The following PTPN4 variants were observed in gnomAD, a reference collection of about 807,000 sequenced individuals.
PTPN4 encodes tyrosine-protein phosphatase non-receptor type 4.
PTPN4 carries 49 observed loss-of-function variants against 135.5 expected under a neutral mutation model. That is an observed-to-expected ratio of 0.36 (90% CI 0.29 to 0.46). The LOEUF is 0.46. PTPN4 is among the 20% of genes least tolerant of loss of function. PTPN4 has a pLI of 1.00. For synonymous variants in PTPN4, 333 were observed against 369.9 expected, an observed-to-expected ratio of 0.90 and a Z score of 1.14; for missense variants, 860 against 1,101.0, an observed-to-expected ratio of 0.78 and a Z score of 3.10.
intron 8 of PTPN4, among the ~76,000 whole-genome samples, chr2:119,882,838 T>C (rs568718268): frequency 2.6e-5 from 4 of 152,280 alleles, no homozygotes; most frequent in African/African-American, 9.6e-5. Flanking sequence ...GCCATTAAGC[T>C]ATCTGTAAAC....
At chr2:119,789,839 C>T (rs528687818) in intron 1 of PTPN4, among the ~76,000 whole-genome samples, 16 of 152,246 alleles carry the variant, frequency 1.1e-4, no homozygotes, top group Admixed American at 4.6e-4. Flanking sequence ...TCTCCTGCCT[C>T]AGCCTCCTGA....
chr2:119,836,570 G>GA (rs997406389), intron 2 of PTPN4, among the ~76,000 whole-genome samples: 4 of 152,252 alleles, frequency 2.6e-5, no homozygotes, highest in Admixed American at 6.5e-5. Flanking sequence ...TGGGAGCCCT[G>GA]CCCCCTTTCC....
chr2:119,769,892 G>A (rs866202402), intron 1 of PTPN4, among the ~76,000 whole-genome samples: 15 of 152,122 alleles, frequency 9.9e-5, no homozygotes, highest in African/African-American at 3.6e-4. Context: ...TAATCCAAGG[G>A]TCATTGTTTA....
intron 18 of PTPN4, among the ~76,000 whole-genome samples, chr2:119,951,085 G>A (rs1299024219): frequency 2.0e-5 from 3 of 152,178 alleles, no homozygotes; most frequent in African/African-American, 7.2e-5. Flanking sequence ...AGTTTAAACG[G>A]TGCTTGCCTC....
intron 9 of PTPN4, among the ~76,000 whole-genome samples, chr2:119,894,342 A>G (rs1006404509): frequency 6.6e-6 from 1 of 152,208 alleles, no homozygotes. Flanking sequence ...ACTCTACTGT[A>G]CTCAAATCAC....
At chr2:119,972,985 C>T (rs1187358470) in intron 26 of PTPN4, among the ~76,000 whole-genome samples, 1 of 152,036 alleles carries the variant, frequency 6.6e-6, no homozygotes, top group Admixed American at 6.5e-5. Context: ...TATATTCTTA[C>T]ATAATAGGAT....
At chr2:119,917,342 A>T (rs1052626194) in intron 11 of PTPN4, among the ~76,000 whole-genome samples, 8 of 152,218 alleles carry the variant, frequency 5.3e-5, no homozygotes, top group African/African-American at 1.9e-4. Context: ...CATAAGCATG[A>T]TGATTAGATT....
intron 2 of PTPN4, among the ~76,000 whole-genome samples, chr2:119,831,984 T>C (rs1677226398): frequency 6.6e-6 from 1 of 152,212 alleles, no homozygotes; most frequent in Admixed American, 6.5e-5. Context: ...TTTTAAGTTA[T>C]TGTTTTGTTT....
In PTPN4 at chr2:119,801,349, A is replaced by G. The variant is rs1691363254; in HGVS notation, c.-17-8488A>G. On this transcript the variant is annotated intron_variant, in intron 1 of 26. Coordinates refer to ENST00000263708, the MANE Select transcript of PTPN4 (RefSeq NM_002830.4). ...GTGTTCTGCCTGCCTAGGCCTCCCA[A>G]AATTCTGGGATTACAGGCGTGAGTC... Among the ~76,000 whole-genome samples the G allele has an allele frequency of 3.9e-5, 6 of 152,288 alleles. No individual in the cohort carries two copies. The South Asian group carries it at 1.2e-3, about 32-fold the overall frequency.
At position 119,809,977 on chromosome 2, in the gene PTPN4, G is replaced by A; in HGVS notation, c.124G>A (p.Ala42Thr). The part of the protein sequence containing the change: ...NILLLDNTVQ[A>T]FKVNKHDQGQ... The stretch of plus-strand genomic sequence containing the variant: ...CCTTCTTCTGGATAACACTGTACAA[G>A]CTTTCAAAGTCAATGTAAGTATTTT... Residue 42 changes from alanine (A) to threonine (T), a missense_variant, in exon 2 of 27, where the codon GCT becomes ACT. Physicochemically the swap from Ala to Thr is moderately conservative, Grantham distance 58. Around this residue, in one of 2 missense-constraint regions of PTPN4, gnomAD observed 684 missense variants for 807.0 expected, o/e 0.85. Coordinates refer to ENST00000263708, the MANE Select transcript of PTPN4 (RefSeq NM_002830.4). 6.2e-7 allele frequency: 1 copy of A among 1,607,346 alleles called. No homozygotes were observed. Among genetic ancestry groups the A allele is most frequent in the Non-Finnish European group, 8.5e-7 (1 of 1,178,098 alleles).
intron 1 of PTPN4, among the ~76,000 whole-genome samples, chr2:119,765,016 G>A (rs1049943728): frequency 5.3e-5 from 8 of 152,040 alleles, no homozygotes; most frequent in Non-Finnish European, 8.8e-5. Flanking sequence ...CAAAAACCTC[G>A]GGCAAACTGT....
At chr2:119,812,145 ATTAT>A (rs1676893851) in intron 2 of PTPN4, among the ~76,000 whole-genome samples, 1 of 152,190 alleles carries the variant, frequency 6.6e-6, no homozygotes, top group African/African-American at 2.4e-5. Context: ...TTTTAGGTAG[ATTAT>A]TTATCTTTTA....
intron 26 of PTPN4, among the ~76,000 whole-genome samples, chr2:119,973,656 T>TTTTTTTTTTTTTTG (rs1679570227): frequency 6.1e-5 from 2 of 32,892 alleles, no homozygotes; most frequent in African/African-American, 1.4e-4. Context: ...TCATTTCTTG[T>TTTTTTTTTTTTTTG]TTTTTTTTTT....
intron 12 of PTPN4, among the ~76,000 whole-genome samples, chr2:119,920,505 C>A (rs531708658): frequency 6.6e-6 from 1 of 152,288 alleles, no homozygotes; most frequent in East Asian, 1.9e-4. Context: ...TACTTATTTA[C>A]AATAAAGACA....
intron 12 of PTPN4, among the ~76,000 whole-genome samples, chr2:119,922,648 G>A (rs1678755022): frequency 6.6e-6 from 1 of 152,034 alleles, no homozygotes; most frequent in African/African-American, 2.4e-5. Context: ...TCTTTCGTAC[G>A]ATATCATTTT....
At chr2:119,793,723 C>A (rs535571204) in intron 1 of PTPN4, among the ~76,000 whole-genome samples, 1 of 152,202 alleles carries the variant, frequency 6.6e-6, no homozygotes, top group African/African-American at 2.4e-5. Context: ...GTTCTTCTGC[C>A]ATGGCTTCAG....
At chr2:119,802,227 C>T (rs1244379584) in intron 1 of PTPN4, among the ~76,000 whole-genome samples, 1 of 152,144 alleles carries the variant, frequency 6.6e-6, no homozygotes, top group African/African-American at 2.4e-5. Context: ...ACAGCATAGG[C>T]TAGGACTTGC....
chr2:119,906,612 A>G (rs1678492820), intron 10 of PTPN4, among the ~76,000 whole-genome samples: 1 of 152,198 alleles, frequency 6.6e-6, no homozygotes. Context: ...ATAAAATTCA[A>G]CATCCCTTCA....
chr2:119,980,086 A>G lies in PTPN4; in HGVS notation c.*3016A>G, dbSNP rs1285269457. 1 of 152,114 alleles carries G rather than the reference A, an allele frequency of 6.6e-6. No individual in the cohort carries two copies. The highest frequency in any genetic ancestry group is 2.4e-5 in the African/African-American group (1 of 41,464). The allele number at this position is 152,114 out of a possible 1,614,324, so 9.4% of individuals were successfully genotyped here. A position where few individuals can be genotyped will look rare whatever the true frequency, so the allele number is the denominator to read the frequency against. ...CAGCCTAAGAAATGATTTCCTTTCTACAGTCTGCTAGGAGAAAGAGGTGAG... is the reference window on the plus strand; with the variant it reads ...CAGCCTAAGAAATGATTTCCTTTCTGCAGTCTGCTAGGAGAAAGAGGTGAG... On this transcript the variant is annotated 3_prime_UTR_variant, in exon 27 of 27. Coordinates refer to ENST00000263708, the MANE Select transcript of PTPN4 (RefSeq NM_002830.4).
Sources: allele counts gnomAD v4.1 joint callset (sites outside exome capture counted in the v4.1 genomes callset), GRCh38; gene constraint gnomAD v4.1.1; regional missense constraint gnomAD v4.1.1; transcripts MANE v1.5; gene names NCBI Gene and HGNC (gene_info 2026-07-23, HGNC 2026-07-21).